RNGTT: variants seen among roughly 807,000 people sequenced by gnomAD.
The protein encoded by RNGTT is mRNA-capping enzyme.
In RNGTT, 33 loss-of-function variants were observed where a neutral mutation model predicts 79.3. The ratio of observed to expected loss-of-function variants is 0.42; its 90% CI spans 0.32 to 0.56. RNGTT has a LOEUF of 0.56. RNGTT is among the 20% of genes least tolerant of loss of function. RNGTT has a pLI of 0.17. For missense variants in RNGTT, 497 were observed against 739.1 expected (o/e 0.67, Z 3.80); for synonymous variants, 222 against 235.9 (o/e 0.94, Z 0.54).
At chr6:88,932,770 T>C (rs1784550183) in intron 2 of RNGTT, among the ~76,000 whole-genome samples, 1 of 152,166 alleles carries the variant, frequency 6.6e-6, no homozygotes, top group Non-Finnish European at 1.5e-5. Context: ...CCCTTCAGTA[T>C]GAAAAATCTT....
intron 10 of RNGTT, among the ~76,000 whole-genome samples, chr6:88,845,100 T>C (rs919775479): frequency 7.2e-5 from 11 of 151,754 alleles, no homozygotes; most frequent in African/African-American, 2.7e-4. Context: ...TATTACAGTA[T>C]AAAAACTAAA....
At chr6:88,872,271 G>A (rs1346004713) in intron 8 of RNGTT, among the ~76,000 whole-genome samples, 3 of 152,088 alleles carry the variant, frequency 2.0e-5, no homozygotes, top group Non-Finnish European at 4.4e-5. Flanking sequence ...AGAAATGGAG[G>A]TCTCATGCCA....
chr6:88,676,993 C>T (rs13213948), intron 14 of RNGTT, among the ~76,000 whole-genome samples: 17,356 of 152,152 alleles, frequency 0.11, 1,117 homozygotes, highest in Middle Eastern at 0.22. Flanking sequence ...CTAGAAACAA[C>T]GCAAATGCCC....
chr6:88,926,169 T>G (rs1784312531), intron 4 of RNGTT, among the ~76,000 whole-genome samples: 1 of 152,242 alleles, frequency 6.6e-6, no homozygotes, highest in African/African-American at 2.4e-5. Flanking sequence ...AATTCACTTA[T>G]TATGTGGTTG....
chr6:88,793,910 C>T (rs542935375), intron 12 of RNGTT, among the ~76,000 whole-genome samples: 164 of 152,160 alleles, frequency 1.1e-3, no homozygotes, highest in African/African-American at 3.7e-3. Flanking sequence ...GTCTAACTTG[C>T]CATTTAAAAC....
chr6:88,671,467 T>C (rs569519857), intron 14 of RNGTT, among the ~76,000 whole-genome samples: 1 of 152,118 alleles, frequency 6.6e-6, no homozygotes, highest in East Asian at 1.9e-4. Flanking sequence ...CAAAAACAAA[T>C]GGAAACACAT....
chr6:88,664,125 A>AAT (rs908897746), intron 14 of RNGTT, among the ~76,000 whole-genome samples: 1 of 152,170 alleles, frequency 6.6e-6, no homozygotes, highest in African/African-American at 2.4e-5. Flanking sequence ...ACTGACCCTT[A>AAT]ATAGGATCCA....
At chr6:88,838,162 T>C (rs1053051904) in intron 11 of RNGTT, among the ~76,000 whole-genome samples, 6 of 152,154 alleles carry the variant, frequency 3.9e-5, no homozygotes, top group Admixed American at 3.9e-4. Flanking sequence ...TAACATCATA[T>C]TTAATAGTTA....
At chr6:88,880,176 CTGAATGAATGAATGAA>C (rs57548721) in intron 8 of RNGTT, among the ~76,000 whole-genome samples, 9,394 of 149,548 alleles carry the variant, frequency 0.063, 349 homozygotes, top group Middle Eastern at 0.12. Flanking sequence ...AATATAATTT[CTGAATGAATGAATGAA>C]TGAATGAATG....
At chr6:88,942,534 T>A (rs974257862) in intron 1 of RNGTT, among the ~76,000 whole-genome samples, 1 of 151,900 alleles carries the variant, frequency 6.6e-6, no homozygotes, top group Admixed American at 6.6e-5. Context: ...CACACTCAGC[T>A]AATTTTTTGT....
At chr6:88,694,282 C>T (rs1228306834) in intron 13 of RNGTT, among the ~76,000 whole-genome samples, 2 of 152,026 alleles carry the variant, frequency 1.3e-5, no homozygotes, top group African/African-American at 4.8e-5. Context: ...AAAATCAACA[C>T]ACAAAAATCA....
intron 12 of RNGTT, among the ~76,000 whole-genome samples, chr6:88,782,637 C>A (rs1347588092): frequency 6.6e-6 from 1 of 152,070 alleles, no homozygotes; most frequent in African/African-American, 2.4e-5. Flanking sequence ...AAAAAATAAT[C>A]TTCAAACTAT....
intron 2 of RNGTT, among the ~76,000 whole-genome samples, chr6:88,930,075 C>CAT (rs1784459650): frequency 6.9e-6 from 1 of 145,240 alleles, no homozygotes; most frequent in Non-Finnish European, 1.5e-5. Context: ...CATATGTATA[C>CAT]ATATACATAT....
intron 12 of RNGTT, among the ~76,000 whole-genome samples, chr6:88,778,056 T>C (rs1236054490): frequency 6.6e-6 from 1 of 152,194 alleles, no homozygotes; most frequent in Non-Finnish European, 1.5e-5. Context: ...ATCATGTGGT[T>C]TTAGCTTTTA....
At chr6:88,716,399 G>A (rs1776515287) in intron 13 of RNGTT, among the ~76,000 whole-genome samples, 1 of 152,188 alleles carries the variant, frequency 6.6e-6, no homozygotes, top group Non-Finnish European at 1.5e-5. Context: ...CATTGTGGAA[G>A]TCAGTGTGGT....
At chr6:88,827,799 A>G (rs1444744270) in intron 11 of RNGTT, among the ~76,000 whole-genome samples, 1 of 152,076 alleles carries the variant, frequency 6.6e-6, no homozygotes, top group Non-Finnish European at 1.5e-5. Context: ...GGCAGACCCC[A>G]CCTCAGCTCC....
chr6:88,881,243 G>A (rs1054714806), intron 8 of RNGTT, among the ~76,000 whole-genome samples: 4 of 152,110 alleles, frequency 2.6e-5, no homozygotes, highest in Non-Finnish European at 5.9e-5. Context: ...ATAGTAAAGC[G>A]ACTATCAAGT....
Position 88,671,735 on chromosome 6 carries a change from T to C in RNGTT, c.1506+6618A>G, listed in dbSNP as rs561629567. On this transcript the variant is annotated intron_variant, in intron 14 of 15. Transcript: ENST00000369485. ...CAAGGATATAGTTGCCAAAACAGCA[T>C]GGTCCTGGTATAAAAACAGGCAGGT... Among the ~76,000 whole-genome samples the C allele has an allele frequency of 2.0e-5, 3 of 152,280 alleles. No homozygotes were observed. The South Asian group carries it at 6.2e-4, about 32-fold the overall frequency.
At chr6:88,781,147 G>A (rs150732570) in intron 12 of RNGTT, among the ~76,000 whole-genome samples, 5 of 152,284 alleles carry the variant, frequency 3.3e-5, no homozygotes, top group East Asian at 3.9e-4. Flanking sequence ...AAGGAGCAAC[G>A]TATTTAGTCC....
Sources: allele counts gnomAD v4.1 joint callset (sites outside exome capture counted in the v4.1 genomes callset), GRCh38; gene constraint gnomAD v4.1.1; transcripts MANE v1.5; gene names NCBI Gene and HGNC (gene_info 2026-07-23, HGNC 2026-07-21).